The following ENOSF1 variants were observed in gnomAD, a reference collection of about 807,000 sequenced individuals.
ENOSF1 encodes mitochondrial enolase superfamily member 1.
ENOSF1 carries 73 observed loss-of-function variants against 68.2 expected under a neutral mutation model. The ratio of observed to expected loss-of-function variants is 1.07; its 90% CI spans 0.89 to 1.30. The LOEUF (loss-of-function observed/expected upper bound fraction) is 1.30, where lower values mean the gene tolerates loss of function less well. Ranked by LOEUF, ENOSF1 falls within the 50% of genes most tolerant of loss-of-function variation. The pLI is 0.00. For synonymous variants in ENOSF1, 223 were observed against 210.4 expected, an observed-to-expected ratio of 1.06 and a Z score of -0.52; for missense variants, 589 against 554.5, an observed-to-expected ratio of 1.06 and a Z score of -0.62.
At position 671,351 on chromosome 18, in the gene ENOSF1, C is replaced by G. The variant is rs779270127; in HGVS notation, c.*2954G>C. On this transcript the variant is annotated 3_prime_UTR_variant, in exon 16 of 16. Transcript: ENST00000647584. ...GTTTTAAAGAATTGAAACTAACATACTGTTCTGCTTTCTCCCCCGGGTTTA... is the reference window on the plus strand; with the variant it reads ...GTTTTAAAGAATTGAAACTAACATAGTGTTCTGCTTTCTCCCCCGGGTTTA... The G allele has an allele frequency of 7.0e-7, 1 of 1,429,422 alleles. No homozygotes were observed. The highest frequency in any genetic ancestry group is 9.9e-7 in the Non-Finnish European group (1 of 1,011,704). The allele number at this position is 1,429,422 out of a possible 1,614,324, so 88.5% of individuals were successfully genotyped here.
intron 2 of ENOSF1, among the ~76,000 whole-genome samples, chr18:699,455 G>A (rs966515296): frequency 4.0e-5 from 6 of 150,010 alleles, no homozygotes; most frequent in Admixed American, 2.0e-4. Flanking sequence ...TCCAGCCTAG[G>A]TGACAGAGCT....
At chr18:689,773 C>T (rs577625511) in intron 8 of ENOSF1, among the ~76,000 whole-genome samples, 30 of 151,750 alleles carry the variant, frequency 2.0e-4, no homozygotes, top group African/African-American at 6.1e-4. Flanking sequence ...GTCTTTTGTA[C>T]GTGAACGAGA....
At chr18:710,158 G>C (rs1272171192) in intron 1 of ENOSF1, among the ~76,000 whole-genome samples, 1 of 152,056 alleles carries the variant, frequency 6.6e-6, no homozygotes, top group Non-Finnish European at 1.5e-5. Context: ...ACCCAGGCTG[G>C]AGTGCAGTGA....
chr18:680,373 G>A lies in ENOSF1; in HGVS notation c.877-1636C>T, dbSNP rs148861758. 2.2e-3 allele frequency among the ~76,000 whole-genome samples: 335 copies of A among 152,330 alleles called. 1 individual carries two copies. Among genetic ancestry groups the A allele is most frequent in the African/African-American group, 7.1e-3 (297 of 41,572 alleles). ...ATTTATCTCCAAAGAGAAGAGAAAG[G>A]GAGAAACGGAGGAAGGGGGAGGAGG... On this transcript the variant is annotated intron_variant, in intron 11 of 15. Coordinates refer to ENST00000647584, the MANE Select transcript of ENOSF1 (RefSeq NM_017512.7).
chr18:686,240 G>C (rs1249713054), intron 9 of ENOSF1: 4 of 500,948 alleles, frequency 8.0e-6, no homozygotes, highest in Non-Finnish European at 1.1e-5. Flanking sequence ...TGGAGTTAAG[G>C]AGCTAGACAG....
intron 14 of ENOSF1, 81 bp from the exon 15 acceptor site, chr18:675,483 G>T: frequency 8.3e-7 from 1 of 1,204,654 alleles, no homozygotes. Context: ...CAGAAGGAGC[G>T]AGTACCACTC....
chr18:695,129 T>C (rs948049229), intron 3 of ENOSF1, among the ~76,000 whole-genome samples: 10 of 152,244 alleles, frequency 6.6e-5, no homozygotes, highest in African/African-American at 2.4e-4. Context: ...GTATTACATT[T>C]AGTCGCCATG....
chr18:683,741 G>A (rs1009544896), intron 10 of ENOSF1, among the ~76,000 whole-genome samples: 8 of 151,960 alleles, frequency 5.3e-5, no homozygotes, highest in Non-Finnish European at 1.2e-4. Context: ...GGTTCTGTTC[G>A]TAGAAACCAT....
At chr18:676,553 C>T (rs1175099955) in intron 14 of ENOSF1, among the ~76,000 whole-genome samples, 2 of 152,190 alleles carry the variant, frequency 1.3e-5, no homozygotes, top group African/African-American at 4.8e-5. Flanking sequence ...GAGCAGAAGC[C>T]GCTATGCTTC....
Position 694,232 on chromosome 18 carries a change from T to C in ENOSF1, c.396+16A>G, listed in dbSNP as rs371130739. On this transcript the variant is annotated intron_variant, in intron 4 of 15. Transcript: ENST00000647584. ...CAGCTCCCAGGAGCCTCCTGAGCGTTTGTGAGAGGGGTTACCTTTCCCTCC... is the reference window on the plus strand; with the variant it reads ...CAGCTCCCAGGAGCCTCCTGAGCGTCTGTGAGAGGGGTTACCTTTCCCTCC... The C allele has an allele frequency of 7.1e-5, 115 of 1,613,134 alleles. No individual in the cohort carries two copies. Among genetic ancestry groups the C allele is most frequent in the Non-Finnish European group, 9.2e-5 (109 of 1,179,536 alleles).
At chr18:696,433 G>A (rs1288720147) in intron 3 of ENOSF1, among the ~76,000 whole-genome samples, 1 of 151,654 alleles carries the variant, frequency 6.6e-6, no homozygotes, top group South Asian at 2.1e-4. Flanking sequence ...GGATGGTCTC[G>A]ACCTCCTGAC....
In ENOSF1 at chr18:672,170, A is replaced by G. The variant is rs1567996914; in HGVS notation, c.*2135T>C. ...AATCCCTAAGTTATAGCAGCCAACA[A>G]TTGATATGAAATGGCAATAAAAATG... On this transcript the variant is annotated 3_prime_UTR_variant, in exon 16 of 16. Coordinates refer to ENST00000647584, the MANE Select transcript of ENOSF1 (RefSeq NM_017512.7). The G allele has an allele frequency of 1.3e-5, 2 of 152,264 alleles. No individual in the cohort carries two copies. The highest frequency in any genetic ancestry group is 4.1e-4 in the South Asian group (2 of 4,830). The allele number at this position is 152,264 out of a possible 1,614,324, so 9.4% of individuals were successfully genotyped here. A position where few individuals can be genotyped will look rare whatever the true frequency, so the allele number is the denominator to read the frequency against.
intron 15 of ENOSF1, among the ~76,000 whole-genome samples, chr18:674,986 T>G (rs2075334288): frequency 1.3e-5 from 2 of 152,238 alleles, no homozygotes; most frequent in Non-Finnish European, 1.5e-5. Flanking sequence ...ATGATCAGAA[T>G]AAATGGCCCC....
In ENOSF1 at chr18:674,309, T is replaced by C; in HGVS notation, c.1328A>G (p.Asn443Ser). 1 of 1,607,194 alleles carries C rather than the reference T, an allele frequency of 6.2e-7. No individual in the cohort carries two copies. The change falls in exon 16 of 16, where the codon AAT becomes AGT. Residue 443 changes from asparagine (N) to serine (S), a missense_variant. Asn to Ser is a conservative substitution (Grantham distance 46). Transcript: ENST00000647584. ...VWKKLLPAQE[N>S] The stretch of plus-strand genomic sequence containing the variant: ...AAAGTTGTTGGGGCTGAGCACTTAA[T>C]TTTCTTGAGCAGGAAGGAGTTTCTT...
chr18:686,010 T>G lies in ENOSF1; in HGVS notation c.654-2A>C. 1 of 1,612,754 alleles carries G rather than the reference T, an allele frequency of 6.2e-7. No homozygotes were observed. Among genetic ancestry groups the G allele is most frequent in the Non-Finnish European group, 8.5e-7 (1 of 1,178,746 alleles). The stretch of plus-strand genomic sequence containing the variant: ...TCAGCACCCACCTTTACTTTAAACC[T>G]AGAAAATGCATTTGGTTTGCTAGTT... On this transcript the variant is annotated splice_acceptor_variant, in intron 9 of 15. Transcript: ENST00000647584. LOFTEE classifies it high-confidence loss of function.
chr18:707,025 G>C (rs958894415), intron 1 of ENOSF1, among the ~76,000 whole-genome samples: 2 of 151,810 alleles, frequency 1.3e-5, no homozygotes, highest in African/African-American at 4.8e-5. Flanking sequence ...CACCATGTTG[G>C]CCAGGCTGGT....
chr18:697,040 C>A (rs2077802423), intron 3 of ENOSF1, among the ~76,000 whole-genome samples, 200 bp downstream of exon 3: 1 of 152,038 alleles, frequency 6.6e-6, no homozygotes, highest in Non-Finnish European at 1.5e-5. Flanking sequence ...CTGTTTGAAC[C>A]CAGGAGGCGG....
Position 706,527 on chromosome 18 carries a change from C to T in ENOSF1, c.136G>A (p.Glu46Lys), listed in dbSNP as rs775220763. 21 of 1,613,904 alleles carry T rather than the reference C, an allele frequency of 1.3e-5. No individual in the cohort carries two copies. In the African/African-American group the frequency reaches 1.7e-4, roughly 13 times the overall value. Residue 46 changes from glutamate (E) to lysine (K), a missense_variant, in exon 2 of 16, where the codon GAA becomes AAA. Glu to Lys is a moderately conservative substitution (Grantham distance 56, BLOSUM62 1). Coordinates refer to ENST00000647584, the MANE Select transcript of ENOSF1 (RefSeq NM_017512.7). ...ATTCCACACCCCTTGATTCCATCTT[C>T]TGCATCAGTTTCTATGACGACATAG... ...AAYVVIETDA[E>K]DGIKGCGITF...
chr18:669,918 C>T (rs555599736), downstream of ENOSF1, among the ~76,000 whole-genome samples: 16 of 151,764 alleles, frequency 1.1e-4, no homozygotes, highest in Admixed American at 4.0e-4. Flanking sequence ...GTCATGATCA[C>T]GCCATTGCAC....
Sources: allele counts gnomAD v4.1 joint callset (sites outside exome capture counted in the v4.1 genomes callset), GRCh38; gene constraint gnomAD v4.1.1; transcripts MANE v1.5; gene names NCBI Gene and HGNC (gene_info 2026-07-23, HGNC 2026-07-21).